PHACTR1: variants seen among roughly 807,000 people sequenced by gnomAD.
The protein encoded by PHACTR1 is phosphatase and actin regulator 1.
A neutral mutation model predicts 69.2 loss-of-function variants in PHACTR1; 16 were observed. The observed-to-expected ratio is 0.23, with a 90% CI of 0.16 to 0.35. The LOEUF is 0.35. Among genes scored for constraint, PHACTR1 ranks in the 10% least tolerant of loss-of-function variants. PHACTR1 has a pLI of 1.00. For synonymous variants in PHACTR1, 312 were observed against 284.5 expected (o/e 1.10, Z -0.97); for missense variants, 510 against 734.7 (o/e 0.69, Z 3.54).
At chr6:13,137,831 T>C (rs928019207) in intron 5 of PHACTR1, among the ~76,000 whole-genome samples, 1 of 152,180 alleles carries the variant, frequency 6.6e-6, no homozygotes, top group Non-Finnish European at 1.5e-5. Flanking sequence ...ATTCAGAAAG[T>C]CGGCTTGGGC....
intron 4 of PHACTR1, among the ~76,000 whole-genome samples, chr6:13,017,912 C>T (rs1800418993): frequency 6.6e-6 from 1 of 151,990 alleles, no homozygotes; most frequent in Admixed American, 6.6e-5. Context: ...CTTGTCAGTG[C>T]CTTTTACATG....
chr6:13,005,285 T>C (rs900592478), intron 4 of PHACTR1, among the ~76,000 whole-genome samples: 7 of 151,954 alleles, frequency 4.6e-5, no homozygotes, highest in Admixed American at 1.3e-4. Flanking sequence ...ATATAGAGTA[T>C]ATACATATAC....
At chr6:12,900,558 C>T (rs1027182880) in intron 4 of PHACTR1, among the ~76,000 whole-genome samples, 30 of 152,252 alleles carry the variant, frequency 2.0e-4, no homozygotes, top group African/African-American at 5.8e-4. Flanking sequence ...CTACGCCAGG[C>T]GTACTGGTGT....
chr6:12,735,226 C>T (rs1581492491), intron 3 of PHACTR1, among the ~76,000 whole-genome samples: 3 of 19,350 alleles, frequency 1.6e-4, no homozygotes, highest in Admixed American at 1.2e-3. Flanking sequence ...TGGTGTGTCT[C>T]CATCACGTTG....
At chr6:12,957,306 T>G in intron 4 of PHACTR1, 1 of 879,958 alleles carries the variant, frequency 1.1e-6, no homozygotes, top group East Asian at 1.2e-4. Flanking sequence ...ACTTCCAAGC[T>G]GCATTTCCTC....
At chr6:13,223,893 G>T (rs1457661779) in intron 8 of PHACTR1, among the ~76,000 whole-genome samples, 1 of 151,888 alleles carries the variant, frequency 6.6e-6, no homozygotes, top group Non-Finnish European at 1.5e-5. Flanking sequence ...TATTCATTGA[G>T]GATGCCCTTT....
At chr6:12,955,212 T>TTTTTTTTTTTTTG (rs1491549134) in intron 4 of PHACTR1, among the ~76,000 whole-genome samples, 1 of 143,412 alleles carries the variant, frequency 7.0e-6, no homozygotes, top group African/African-American at 2.8e-5. Context: ...TTTTTTTTTT[T>TTTTTTTTTTTTTG]GAGAGAGATA....
chr6:13,131,210 C>CACAT (rs1462518384), intron 5 of PHACTR1, among the ~76,000 whole-genome samples: 357 of 23,964 alleles, frequency 0.015, 4 homozygotes, highest in East Asian at 0.046. Flanking sequence ...TATACACATA[C>CACAT]ACACACACAC....
rs1295150787 is a variant in PHACTR1 at position 13,179,098 on chromosome 6, T to C, written c.497-3421T>C. On this transcript the variant is annotated intron_variant, in intron 6 of 14. Transcript: ENST00000332995. This position sits in a 1 kb window ranked among gnomAD's most constrained non-coding sequence, Gnocchi z 4.2. ...AAAAAATATAAAAATTAGTGGGGCA[T>C]GGTGGTGTGGGCCTGTGGTCCCAGC... Among the ~76,000 whole-genome samples, 1 of 151,960 alleles carries C rather than the reference T, an allele frequency of 6.6e-6. No individual in the cohort carries two copies. Among genetic ancestry groups the C allele is most frequent in the Non-Finnish European group, 1.5e-5 (1 of 68,002 alleles).
At chr6:13,230,362 G>C in intron 10 of PHACTR1, 169 bp downstream of exon 10, 1 of 1,427,160 alleles carries the variant, frequency 7.0e-7, no homozygotes, top group Non-Finnish European at 9.3e-7. Context: ...GACCAGCCTG[G>C]CCAACATGGT....
intron 5 of PHACTR1, among the ~76,000 whole-genome samples, chr6:13,109,341 T>A (rs1369419151): frequency 6.6e-6 from 1 of 152,070 alleles, no homozygotes. Context: ...AATGATAAAT[T>A]GTTATAACTT....
chr6:12,929,191 C>T (rs2127525631), intron 4 of PHACTR1, among the ~76,000 whole-genome samples: 1 of 152,302 alleles, frequency 6.6e-6, no homozygotes, highest in Middle Eastern at 3.4e-3. Flanking sequence ...CTGGGACCAA[C>T]TCTGAGAGGC....
At chr6:12,932,577 C>T (rs922814424) in intron 4 of PHACTR1, among the ~76,000 whole-genome samples, 1 of 152,126 alleles carries the variant, frequency 6.6e-6, no homozygotes, top group African/African-American at 2.4e-5. Context: ...TGTTTGTATA[C>T]ACAAAGACGC....
intron 10 of PHACTR1, among the ~76,000 whole-genome samples, chr6:13,252,026 G>T (rs541595071): frequency 5.3e-4 from 79 of 149,820 alleles, no homozygotes; most frequent in African/African-American, 1.8e-3. Flanking sequence ...CTGTACTCCA[G>T]CCTGAACAAC....
intron 5 of PHACTR1, among the ~76,000 whole-genome samples, chr6:13,157,221 C>A (rs1333606800): frequency 1.3e-5 from 2 of 152,128 alleles, no homozygotes; most frequent in Non-Finnish European, 2.9e-5. Flanking sequence ...TTCCCTTGGC[C>A]CCTACCCAGC....
intron 12 of PHACTR1, among the ~76,000 whole-genome samples, chr6:13,279,004 T>C (rs1370631692): frequency 6.7e-6 from 1 of 150,072 alleles, no homozygotes; most frequent in Non-Finnish European, 1.5e-5. Flanking sequence ...TACACAATTA[T>C]TTGCTATGAC....
intron 10 of PHACTR1, among the ~76,000 whole-genome samples, chr6:13,264,070 C>T (rs1008273672): frequency 6.6e-6 from 1 of 152,172 alleles, no homozygotes; most frequent in Admixed American, 6.5e-5. Context: ...GACAAATCTC[C>T]CAGTGAATGG....
intron 4 of PHACTR1, among the ~76,000 whole-genome samples, chr6:12,831,488 G>C (rs1337068427): frequency 6.6e-6 from 1 of 151,526 alleles, no homozygotes; most frequent in Non-Finnish European, 1.5e-5. Context: ...TAGCTGAAAT[G>C]CAGGCCCTAC....
At chr6:13,166,348 G>C (rs1246093374) in intron 6 of PHACTR1, among the ~76,000 whole-genome samples, 1 of 151,838 alleles carries the variant, frequency 6.6e-6, no homozygotes, top group Non-Finnish European at 1.5e-5. Flanking sequence ...ATTTTTTCTT[G>C]CCTATCTCTC....
Sources: gnomAD v4.1 joint callset for allele counts (sites outside exome capture counted in the v4.1 genomes callset) on GRCh38, gnomAD v4.1.1 for gene constraint, Gnocchi (gnomAD v3.1) non-coding constraint, MANE v1.5 for transcripts, NCBI Gene and HGNC (gene_info 2026-07-23, HGNC 2026-07-21) for gene names.